The following GRIK1 variants were observed in gnomAD, a reference collection of about 807,000 sequenced individuals.
The protein encoded by GRIK1 is glutamate ionotropic receptor kainate type subunit 1.
GRIK1 carries 69 observed loss-of-function variants against 105.7 expected under a neutral mutation model. The observed-to-expected ratio is 0.65, with a 90% CI of 0.54 to 0.80. The LOEUF (loss-of-function observed/expected upper bound fraction) is 0.80. Among genes scored for constraint, GRIK1 ranks in the 30% least tolerant of loss-of-function variants. The probability of loss-of-function intolerance (pLI) is 0.00; values close to 1 mark genes in which losing one functional copy is unlikely to be tolerated. For missense variants in GRIK1, 1,109 were observed against 1,167.3 expected (o/e 0.95, Z 0.73); for synonymous variants, 438 against 431.3 (o/e 1.02, Z -0.19).
At chr21:29,876,615 T>C (rs2069200702) in intron 1 of GRIK1, among the ~76,000 whole-genome samples, 1 of 152,206 alleles carries the variant, frequency 6.6e-6, no homozygotes, top group South Asian at 2.1e-4. Flanking sequence ...TCTGTTGGGA[T>C]TACACCCACG....
intron 1 of GRIK1, among the ~76,000 whole-genome samples, chr21:29,710,146 A>G (rs2064009527): frequency 6.6e-6 from 1 of 151,908 alleles, no homozygotes; most frequent in South Asian, 2.1e-4. Flanking sequence ...TCAGAGTTCA[A>G]TTTGCCCTTC....
Position 29,628,597 on chromosome 21 carries a change from C to T in GRIK1, c.1098+14229G>A, listed in dbSNP as rs114164402. ...TTTACAAAAAGCTAGTTTTGTTTGGCTCTGGTTCATGTGGTGGCTTGTTTT... is the reference window on the plus strand; with the variant it reads ...TTTACAAAAAGCTAGTTTTGTTTGGTTCTGGTTCATGTGGTGGCTTGTTTT... On this transcript the variant is annotated intron_variant, in intron 7 of 17. Transcript: ENST00000327783. Among the ~76,000 whole-genome samples, 649 of 152,204 alleles carry T rather than the reference C, an allele frequency of 4.3e-3. 3 individuals carry two copies. The highest frequency in any genetic ancestry group is 0.015 in the African/African-American group (610 of 41,532).
In GRIK1 at chr21:29,564,122, C is replaced by A. The variant is rs145616452; in HGVS notation, c.2131-2273G>T. On this transcript the variant is annotated intron_variant, in intron 14 of 17. Coordinates refer to ENST00000327783, the MANE Select transcript of GRIK1 (RefSeq NM_001330994.2). ...CTTCACATAGAAAAATTTTATGAAACATTAAATTTTTTCACCACATTTATT... is the reference window on the plus strand; with the variant it reads ...CTTCACATAGAAAAATTTTATGAAAAATTAAATTTTTTCACCACATTTATT... Among the ~76,000 whole-genome samples the A allele has an allele frequency of 8.3e-3, 1,270 of 152,242 alleles. 20 individuals are homozygous for A. Among genetic ancestry groups the A allele is most frequent in the African/African-American group, 0.029 (1,213 of 41,554 alleles).
Position 29,560,279 on chromosome 21 carries a change from T to TTTGTTTTC in GRIK1, c.2356+1344_2356+1345insGAAAACAA, listed in dbSNP as rs1555835105. 6.9e-4 allele frequency among the ~76,000 whole-genome samples: 48 copies of TTTGTTTTC among 69,954 alleles called. 1 individual carries two copies. Among genetic ancestry groups the TTTGTTTTC allele is most frequent in the African/African-American group, 2.1e-3 (43 of 20,960 alleles). The allele number at this position is 69,954 out of a possible 152,430, so 45.9% of individuals were successfully genotyped here. On this transcript the variant is annotated intron_variant, in intron 15 of 17. Transcript: ENST00000327783. ...TATACCAGGACCTTATATGATACAG[T>TTTGTTTTC]TTTCTTTCTTTCTTTCTTTCTTTCT...
intron 1 of GRIK1, among the ~76,000 whole-genome samples, chr21:29,727,085 A>G (rs1159013379): frequency 6.6e-6 from 1 of 151,780 alleles, no homozygotes; most frequent in Non-Finnish European, 1.5e-5. Context: ...CAGGCATGCA[A>G]GAAAAATTTT....
At chr21:29,603,875 A>T (rs1177915098) in intron 7 of GRIK1, among the ~76,000 whole-genome samples, 1 of 152,068 alleles carries the variant, frequency 6.6e-6, no homozygotes, top group East Asian at 1.9e-4. Flanking sequence ...TGTCCTCCTG[A>T]CCTGTTTGAA....
intron 7 of GRIK1, among the ~76,000 whole-genome samples, chr21:29,632,379 GATTA>G (rs200393114): frequency 0.012 from 1,881 of 152,076 alleles, 24 homozygotes; most frequent in South Asian, 0.035. Flanking sequence ...TTTTGGAATG[GATTA>G]ATTATAGAAT....
intron 1 of GRIK1, among the ~76,000 whole-genome samples, chr21:29,712,729 CT>C (rs370720194): frequency 1.8e-4 from 27 of 152,224 alleles, no homozygotes; most frequent in African/African-American, 6.3e-4. Flanking sequence ...TATTTATCTT[CT>C]TTTGCACTTA....
intron 1 of GRIK1, among the ~76,000 whole-genome samples, chr21:29,859,496 C>G (rs2068572495): frequency 6.6e-6 from 1 of 152,136 alleles, no homozygotes; most frequent in Non-Finnish European, 1.5e-5. Flanking sequence ...TCTCTTCTAG[C>G]CTCACAGAAT....
intron 1 of GRIK1, among the ~76,000 whole-genome samples, chr21:29,832,858 C>T (rs57994779): frequency 6.6e-6 from 1 of 152,116 alleles, no homozygotes; most frequent in African/African-American, 2.4e-5. Context: ...ATGGGTTTTT[C>T]TTTTCTACCA....
chr21:29,539,335 A>C (rs1156891528), intron 16 of GRIK1, among the ~76,000 whole-genome samples: 1 of 152,166 alleles, frequency 6.6e-6, no homozygotes, highest in Non-Finnish European at 1.5e-5. Context: ...CACACATGGA[A>C]CACTTACACT....
rs1314834424 is a variant in GRIK1, at chr21:29,580,007, GTA to G, written c.1912+1416_1912+1417del. Among the ~76,000 whole-genome samples the G allele has an allele frequency of 5.8e-4, 82 of 142,544 alleles. 1 individual carries two copies. The highest frequency in any genetic ancestry group is 8.1e-4 in the Non-Finnish European group (54 of 66,498). The allele number at this position is 142,544 out of a possible 152,430, so 93.5% of individuals were successfully genotyped here. The stretch of plus-strand genomic sequence containing the variant: ...TGTGTGTATATATATGTATATATAT[GTA>G]TATATATGTGTATATATGTATATAT... On this transcript the variant is annotated intron_variant, in intron 13 of 17. Coordinates refer to ENST00000327783, the MANE Select transcript of GRIK1 (RefSeq NM_001330994.2).
chr21:29,649,334 G>C lies in GRIK1; in HGVS notation c.954+1784C>G, dbSNP rs932055082. Among the ~76,000 whole-genome samples the C allele has an allele frequency of 3.3e-5, 5 of 152,160 alleles. No homozygotes were observed. In the South Asian group the frequency reaches 6.2e-4, roughly 19 times the overall value. ...TTCAATAGTTACTCTACCCACTTTTGCAGCACCTTAGTGAGCTACCCTCTT... is the reference window on the plus strand; with the variant it reads ...TTCAATAGTTACTCTACCCACTTTTCCAGCACCTTAGTGAGCTACCCTCTT... On this transcript the variant is annotated intron_variant, in intron 6 of 17. Transcript: ENST00000327783.
intron 2 of GRIK1, among the ~76,000 whole-genome samples, chr21:29,690,770 G>A (rs2063570041): frequency 6.6e-6 from 1 of 152,116 alleles, no homozygotes; most frequent in Admixed American, 6.5e-5. Flanking sequence ...AAGAATATAA[G>A]CACTCACTGA....
intron 2 of GRIK1, among the ~76,000 whole-genome samples, chr21:29,690,858 T>A (rs940996350): frequency 4.6e-5 from 7 of 152,362 alleles, no homozygotes; most frequent in East Asian, 3.9e-4. Flanking sequence ...TATCTATTAA[T>A]ATTTGGGAAA....
intron 1 of GRIK1, among the ~76,000 whole-genome samples, chr21:29,915,183 G>GAA (rs138691447): frequency 0.01 from 1,282 of 127,920 alleles, 19 homozygotes; most frequent in African/African-American, 0.053. Context: ...CATGAATCCA[G>GAA]ACACACACAC....
chr21:29,929,752 G>A (rs2071503472), intron 1 of GRIK1, among the ~76,000 whole-genome samples: 1 of 152,180 alleles, frequency 6.6e-6, no homozygotes, highest in Non-Finnish European at 1.5e-5. Flanking sequence ...ATGGAAAACA[G>A]TATGTAGGTT....
intron 3 of GRIK1, among the ~76,000 whole-genome samples, chr21:29,674,312 T>C (rs2063223952): frequency 6.6e-6 from 1 of 151,568 alleles, no homozygotes; most frequent in Admixed American, 6.6e-5. Flanking sequence ...TGTGTGTGTG[T>C]GGCTCAGATG....
chr21:29,810,085 G>T (rs1289955044), intron 1 of GRIK1, among the ~76,000 whole-genome samples: 6 of 152,056 alleles, frequency 3.9e-5, no homozygotes, highest in Non-Finnish European at 7.4e-5. Context: ...ATCACTTGAG[G>T]TCAGGAGTTC....
Sources: gnomAD v4.1 joint callset for allele counts (sites outside exome capture counted in the v4.1 genomes callset) on GRCh38, gnomAD v4.1.1 for gene constraint, MANE v1.5 for transcripts, NCBI Gene and HGNC (gene_info 2026-07-23, HGNC 2026-07-21) for gene names.